The following ADAD1 variants were observed in gnomAD, a reference collection of about 807,000 sequenced individuals.
The protein encoded by ADAD1 is adenosine deaminase domain containing 1.
A neutral mutation model predicts 66.8 loss-of-function variants in ADAD1; 46 were observed. The ratio of observed to expected loss-of-function variants is 0.69; its 90% CI spans 0.54 to 0.88. The LOEUF (loss-of-function observed/expected upper bound fraction) is 0.88. Ranked by LOEUF, ADAD1 falls within the 40% of genes least tolerant of loss-of-function variation. The pLI, the probability that ADAD1 is intolerant of heterozygous loss-of-function variation, is 0.00. For missense variants in ADAD1, 617 were observed against 681.8 expected (o/e 0.91, Z 1.06); for synonymous variants, 248 against 229.4 (o/e 1.08, Z -0.73).
chr4:122,403,955 GA>G, intron 7 of ADAD1, among the ~76,000 whole-genome samples: 1 of 152,186 alleles, frequency 6.6e-6, no homozygotes, highest in African/African-American at 2.4e-5. Context: ...GGAAGTTGGG[GA>G]AAGCCAGCAC....
intron 7 of ADAD1, among the ~76,000 whole-genome samples, chr4:122,405,677 C>G (rs1796174113): frequency 1.3e-5 from 2 of 152,144 alleles, no homozygotes; most frequent in Admixed American, 1.3e-4. Context: ...TACATTAGGT[C>G]TCCAGGAGTT....
At chr4:122,379,769 T>G in intron 2 of ADAD1, 1 of 249,318 alleles carries the variant, frequency 4.0e-6, no homozygotes, top group Non-Finnish European at 7.6e-6. Flanking sequence ...ACCTTGCTAA[T>G]ATCTTCCCTA....
chr4:122,405,712 T>C (rs531537718), intron 7 of ADAD1, among the ~76,000 whole-genome samples: 12 of 152,330 alleles, frequency 7.9e-5, no homozygotes, highest in Admixed American at 7.8e-4. Context: ...TCCAAGTTTG[T>C]ACCCTTTGAT....
intron 7 of ADAD1, among the ~76,000 whole-genome samples, chr4:122,397,967 G>A (rs1011684937): frequency 7.2e-5 from 11 of 152,120 alleles, no homozygotes; most frequent in Non-Finnish European, 1.6e-4. Context: ...TATTTAAGAT[G>A]TATTATTAGA....
In ADAD1 at chr4:122,411,041, T is replaced by A. The variant is rs45534639; in HGVS notation, c.849-181T>A. 5.6e-3 allele frequency among the ~76,000 whole-genome samples: 854 copies of A among 152,300 alleles called. 2 individuals carry two copies. Among genetic ancestry groups the A allele is most frequent in the Non-Finnish European group, 9.6e-3 (650 of 68,026 alleles). ...GTTACAGGGCAGACTGGGCTCCAGT[T>A]GAGAACTTTCAAGAAACTTAATTTT... is the stretch of plus-strand genomic sequence containing the variant. On this transcript the variant is annotated intron_variant, in intron 8 of 12. Coordinates refer to ENST00000296513, the MANE Select transcript of ADAD1 (RefSeq NM_139243.4).
intron 3 of ADAD1, among the ~76,000 whole-genome samples, chr4:122,380,706 T>G (rs1363505763): frequency 6.6e-6 from 1 of 152,296 alleles, no homozygotes; most frequent in African/African-American, 2.4e-5. Flanking sequence ...CTGTAAAAAT[T>G]TCTTGGTTTC....
At chr4:122,405,164 A>G (rs1796150501) in intron 7 of ADAD1, among the ~76,000 whole-genome samples, 1 of 152,202 alleles carries the variant, frequency 6.6e-6, no homozygotes, top group African/African-American at 2.4e-5. Context: ...ATGGCATGAC[A>G]TCCGTATCCT....
At chr4:122,385,920 A>T (rs1795151542) in intron 5 of ADAD1, among the ~76,000 whole-genome samples, 2 of 151,652 alleles carry the variant, frequency 1.3e-5, no homozygotes, top group African/African-American at 4.9e-5. Context: ...TATGTACCAT[A>T]TTTTCTTTAT....
At chr4:122,420,219 G>A (rs1328707265) in intron 11 of ADAD1, among the ~76,000 whole-genome samples, 2 of 152,336 alleles carry the variant, frequency 1.3e-5, no homozygotes, top group East Asian at 3.9e-4. Flanking sequence ...AGCTATTGCT[G>A]TGTATAAACT....
At chr4:122,393,054 T>G (rs1795529308) in intron 5 of ADAD1, among the ~76,000 whole-genome samples, 1 of 133,838 alleles carries the variant, frequency 7.5e-6, no homozygotes. Context: ...TTTTTTTTTT[T>G]GTCCCTCAGG....
chr4:122,404,613 G>A (rs72669125), intron 7 of ADAD1, among the ~76,000 whole-genome samples: 3 of 151,936 alleles, frequency 2.0e-5, no homozygotes, highest in Non-Finnish European at 4.4e-5. Flanking sequence ...GTATGTTCCT[G>A]CAGTGGTTCT....
chr4:122,392,787 G>A (rs968479864), intron 5 of ADAD1, among the ~76,000 whole-genome samples: 2 of 152,012 alleles, frequency 1.3e-5, no homozygotes, highest in Non-Finnish European at 2.9e-5. Context: ...AATAAAACTG[G>A]AATTTCTTAT....
intron 7 of ADAD1, among the ~76,000 whole-genome samples, chr4:122,407,549 CA>C (rs531699447): frequency 8.5e-4 from 130 of 152,140 alleles, no homozygotes; most frequent in Middle Eastern, 3.4e-3. Context: ...TAATTTAAGA[CA>C]GAAGCAGAAT....
Position 122,381,225 on chromosome 4 carries a change from T to C in ADAD1, c.361+45T>C, listed in dbSNP as rs1794884827. ...TGTCTCAAAAACAAAACGAAAAGTA[T>C]AGCAAAATAATTGTGCTAAGTTTAG... On this transcript the variant is annotated intron_variant, in intron 4 of 12. Transcript: ENST00000296513. 4 of 1,495,046 alleles carry C rather than the reference T, an allele frequency of 2.7e-6. No homozygotes were observed. The African/African-American group carries it at 4.3e-5, about 16-fold the overall frequency. The allele number at this position is 1,495,046 out of a possible 1,614,324, so 92.6% of individuals were successfully genotyped here.
rs748726681 is a variant in ADAD1 at position 122,379,924 on chromosome 4, A to G, written c.-8-138A>G. 1.7e-4 allele frequency: 141 copies of G among 809,478 alleles called. No individual in the cohort carries two copies. In the Middle Eastern group the frequency reaches 2.2e-3, roughly 13 times the overall value. The allele number at this position is 809,478 out of a possible 1,614,324, so 50.1% of individuals were successfully genotyped here. Reference sequence around the variant, plus strand: ...AAAAAGCAGTCGTGAGATCAGTTCAAGAGGGATTTGACTCTAGTCATCTGA... The same window carrying G: ...AAAAAGCAGTCGTGAGATCAGTTCAGGAGGGATTTGACTCTAGTCATCTGA... On this transcript the variant is annotated intron_variant, in intron 2 of 12. Transcript: ENST00000296513.
At chr4:122,400,047 A>C (rs2150561541) in intron 7 of ADAD1, among the ~76,000 whole-genome samples, 1 of 152,156 alleles carries the variant, frequency 6.6e-6, no homozygotes. Flanking sequence ...TGTTGAATAG[A>C]AATGATGAGA....
At chr4:122,412,834 G>T in intron 10 of ADAD1, 25 bp downstream of exon 10, 2 of 1,588,192 alleles carry the variant, frequency 1.3e-6, no homozygotes, top group South Asian at 1.1e-5. Flanking sequence ...AGAACCTCCT[G>T]GGCCTCTCAC....
At chr4:122,393,684 C>T in intron 6 of ADAD1, 27 bp downstream of exon 6, 1 of 1,526,944 alleles carries the variant, frequency 6.5e-7, no homozygotes, top group Non-Finnish European at 8.9e-7. Context: ...TGACGTTCTT[C>T]TTTAGAAGAG....
In ADAD1 at chr4:122,383,806, T is replaced by C; in HGVS notation, c.369T>C (p.Val123=). ...DLKETVTTGN[V]MGPYFAFCAV... ...TCTGAGTTCTTTTTCAAGGTAATGT[T>C]ATGGGACCATATTTTGCCTTTTGTG... is the stretch of plus-strand genomic sequence containing the variant. The change falls in exon 5 of 13, where the codon GTT becomes GTC. Residue 123 remains valine, a synonymous_variant. Transcript: ENST00000296513. 3.1e-6 allele frequency: 5 copies of C among 1,597,456 alleles called. No individual in the cohort carries two copies. The highest frequency in any genetic ancestry group is 4.3e-6 in the Non-Finnish European group (5 of 1,175,458).
Sources: allele counts gnomAD v4.1 joint callset (sites outside exome capture counted in the v4.1 genomes callset), GRCh38; gene constraint gnomAD v4.1.1; transcripts MANE v1.5; gene names NCBI Gene and HGNC (gene_info 2026-07-23, HGNC 2026-07-21).